DAPK1: variants seen among roughly 807,000 people sequenced by gnomAD.
DAPK1 encodes death associated protein kinase 1.
A neutral mutation model predicts 144.9 loss-of-function variants in DAPK1; 56 were observed. That is an observed-to-expected ratio of 0.39 (90% confidence interval 0.31 to 0.48). DAPK1 has a LOEUF of 0.48. Among genes scored for constraint, DAPK1 ranks in the 20% least tolerant of loss-of-function variants. The pLI, the probability that DAPK1 is intolerant of heterozygous loss-of-function variation, is 0.95. For synonymous variants in DAPK1, 690 were observed against 749.0 expected, an observed-to-expected ratio of 0.92 and a Z score of 1.29; for missense variants, 1,454 against 1,875.4, an observed-to-expected ratio of 0.78 and a Z score of 4.15.
chr9:87,571,494 CCCCA>C (rs5899006), intron 2 of DAPK1, among the ~76,000 whole-genome samples: 5,100 of 34,422 alleles, frequency 0.15, 876 homozygotes, highest in African/African-American at 0.21. Context: ...CACACACACA[CCCCA>C]ACACACACAC....
chr9:87,561,458 G>A (rs1396348245), intron 2 of DAPK1, among the ~76,000 whole-genome samples: 1 of 151,996 alleles, frequency 6.6e-6, no homozygotes, highest in African/African-American at 2.4e-5. Flanking sequence ...CCCGGGAGGC[G>A]GAGCTTACAG....
chr9:87,613,110 T>G (rs1828984302), intron 3 of DAPK1, among the ~76,000 whole-genome samples: 1 of 152,176 alleles, frequency 6.6e-6, no homozygotes, highest in Admixed American at 6.5e-5. Flanking sequence ...GGAAATTCCA[T>G]TTAATTAGTG....
chr9:87,552,264 C>G (rs542575592), intron 2 of DAPK1, among the ~76,000 whole-genome samples: 1 of 152,184 alleles, frequency 6.6e-6, no homozygotes, highest in Non-Finnish European at 1.5e-5. Flanking sequence ...TAGATCATTA[C>G]AGCCCAGGGC....
intron 14 of DAPK1, among the ~76,000 whole-genome samples, chr9:87,648,188 G>T (rs1042679091): frequency 6.6e-6 from 1 of 152,154 alleles, no homozygotes; most frequent in African/African-American, 2.4e-5. Context: ...ATCTTGTTTT[G>T]TCTTCTTAAA....
At chr9:87,621,037 CT>C (rs1182267157) in intron 3 of DAPK1, among the ~76,000 whole-genome samples, 1 of 152,214 alleles carries the variant, frequency 6.6e-6, no homozygotes, top group African/African-American at 2.4e-5. Flanking sequence ...TGAGCACTTT[CT>C]TTAGTTCCAG....
At chr9:87,652,805 A>G (rs1263463778) in intron 17 of DAPK1, among the ~76,000 whole-genome samples, 12 of 123,360 alleles carry the variant, frequency 9.7e-5, no homozygotes, top group South Asian at 5.9e-4. Flanking sequence ...ACCTGATCCC[A>G]GGTCCTGATT....
intron 2 of DAPK1, among the ~76,000 whole-genome samples, chr9:87,571,525 A>ACC (rs1827358913): frequency 3.5e-5 from 5 of 143,442 alleles, no homozygotes; most frequent in African/African-American, 1.3e-4. Flanking sequence ...ACACACACAC[A>ACC]CACCAGAAGC....
At chr9:87,668,511 C>G (rs1831135269) in intron 18 of DAPK1, 86 bp from the exon 19 acceptor site, 1 of 843,724 alleles carries the variant, frequency 1.2e-6, no homozygotes, top group Non-Finnish European at 2.1e-6. Context: ...ATGCTTGTTT[C>G]TGCCTCAGAC....
intron 2 of DAPK1, among the ~76,000 whole-genome samples, chr9:87,589,749 C>T (rs148103436): frequency 2.0e-5 from 3 of 152,226 alleles, no homozygotes; most frequent in South Asian, 4.2e-4. Context: ...CTGTCTTAGC[C>T]ATTCAAAAGT....
upstream of DAPK1, chr9:87,497,769 G>C: frequency 3.0e-6 from 1 of 337,984 alleles, no homozygotes; most frequent in Non-Finnish European, 5.3e-6. Flanking sequence ...AGGGCAGCTC[G>C]GAGGTGGGTG....
intron 17 of DAPK1, among the ~76,000 whole-genome samples, chr9:87,653,736 T>C (rs555942473): frequency 6.6e-6 from 1 of 152,200 alleles, no homozygotes; most frequent in South Asian, 2.1e-4. Context: ...TCTTGTCACC[T>C]GGGCTGGAGT....
intron 12 of DAPK1, 147 bp from the exon 13 acceptor site, chr9:87,646,314 C>T: frequency 1.5e-6 from 1 of 662,694 alleles, no homozygotes; most frequent in East Asian, 2.7e-5. Flanking sequence ...GTTTTATACC[C>T]TTCCACCTGT....
rs768762225 is a variant in DAPK1 at position 87,697,149 on chromosome 9, A to G, written c.2556A>G (p.Gln852=). ...AGCCCTATGAGATCCAGCTGAACCA[A>G]GTGATTTTCTGGCTCAGTTTCCTGA... The part of the protein sequence containing the change: ...LEEPYEIQLN[Q]VIFWLSFLKS... The change falls in exon 22 of 26, where the codon CAA becomes CAG. Residue 852 remains glutamine, a synonymous_variant. Coordinates refer to ENST00000408954, the MANE Select transcript of DAPK1 (RefSeq NM_004938.4). 6.3e-7 allele frequency: 1 copy of G among 1,587,614 alleles called. No individual in the cohort carries two copies. The highest frequency in any genetic ancestry group is 1.7e-5 in the Admixed American group (1 of 59,990).
chr9:87,698,631 G>A (rs1185371092), intron 22 of DAPK1, 25 bp from the exon 23 acceptor site: 4 of 1,565,502 alleles, frequency 2.6e-6, no homozygotes, highest in Non-Finnish European at 3.5e-6. Flanking sequence ...CCCACCCCCT[G>A]AAGCAGTTCC....
chr9:87,670,407 A>G (rs1831214100), intron 19 of DAPK1, among the ~76,000 whole-genome samples: 1 of 152,202 alleles, frequency 6.6e-6, no homozygotes, highest in South Asian at 2.1e-4. Flanking sequence ...ACAGGCTAAA[A>G]GAGCACAATT....
intron 7 of DAPK1, 123 bp downstream of exon 7, chr9:87,639,938 AT>A: frequency 9.8e-7 from 1 of 1,019,638 alleles, no homozygotes; most frequent in Non-Finnish European, 1.5e-6. Context: ...AAACATATTC[AT>A]TTTACACCCC....
At position 87,632,646 on chromosome 9, in the gene DAPK1, G is replaced by A. The variant is rs923720889; in HGVS notation, c.285-5297G>A. ...TCAGTATATATGTAGGGATGAAGGA[G>A]GATGAGTACCTGTGTAGAAATGAAG... is the stretch of plus-strand genomic sequence containing the variant. On this transcript the variant is annotated intron_variant, in intron 3 of 25. Transcript: ENST00000408954. 10 of 982,472 alleles carry A rather than the reference G, an allele frequency of 1.0e-5. No homozygotes were observed. The African/African-American group carries it at 1.8e-4, about 17-fold the overall frequency. The allele number at this position is 982,472 out of a possible 1,614,324, so 60.9% of individuals were successfully genotyped here.
intron 2 of DAPK1, among the ~76,000 whole-genome samples, chr9:87,567,069 C>T (rs1376060776): frequency 6.6e-6 from 1 of 152,170 alleles, no homozygotes; most frequent in African/African-American, 2.4e-5. Flanking sequence ...AGATGGACTG[C>T]TCATGAAATC....
intron 22 of DAPK1, 30 bp downstream of exon 22, chr9:87,697,234 T>G: frequency 9.6e-7 from 1 of 1,046,354 alleles, no homozygotes; most frequent in Non-Finnish European, 1.5e-6. Flanking sequence ...GCCAGTGATG[T>G]CCTACCTGTG....
Sources: allele counts gnomAD v4.1 joint callset (sites outside exome capture counted in the v4.1 genomes callset), GRCh38; gene constraint gnomAD v4.1.1; transcripts MANE v1.5; gene names NCBI Gene and HGNC (gene_info 2026-07-23, HGNC 2026-07-21).